The following NTRK2 variants were observed in gnomAD, a reference collection of about 807,000 sequenced individuals.
NTRK2 encodes the protein neurotrophic receptor tyrosine kinase 2.
Under a neutral mutation model 94.5 loss-of-function variants are expected in NTRK2, and 13 were observed. The observed-to-expected ratio is 0.14, with a 90% CI of 0.09 to 0.22. The LOEUF is 0.22. NTRK2 is among the 10% of genes least tolerant of loss of function. NTRK2 has a pLI of 1.00. For synonymous variants in NTRK2, 372 were observed against 407.4 expected (o/e 0.91, Z 1.05); for missense variants, 639 against 1,071.2 (o/e 0.60, Z 5.63).
At chr9:84,920,308 C>T (rs2077522102) in intron 14 of NTRK2, among the ~76,000 whole-genome samples, 1 of 152,218 alleles carries the variant, frequency 6.6e-6, no homozygotes, top group African/African-American at 2.4e-5. Context: ...TAGGTCCTCA[C>T]TTTCTTTGCA....
chr9:84,715,485 G>A (rs908571869), intron 6 of NTRK2, among the ~76,000 whole-genome samples: 9 of 152,112 alleles, frequency 5.9e-5, no homozygotes, highest in African/African-American at 2.2e-4. Flanking sequence ...GTGAATTACT[G>A]TAAATTTATT....
chr9:84,762,138 G>A (rs1306312752), intron 12 of NTRK2, among the ~76,000 whole-genome samples: 1 of 152,154 alleles, frequency 6.6e-6, no homozygotes, highest in East Asian at 1.9e-4. Context: ...CCTCAGCCCT[G>A]TGCAACTGTG....
chr9:84,955,197 A>G, intron 16 of NTRK2, 86 bp from the exon 17 acceptor site: 1 of 1,133,950 alleles, frequency 8.8e-7, no homozygotes, highest in South Asian at 1.3e-5. Context: ...GGAGCTTAGC[A>G]AGAGGGACGG....
chr9:84,978,312 T>C (rs1827158499), intron 17 of NTRK2, among the ~76,000 whole-genome samples: 1 of 152,194 alleles, frequency 6.6e-6, no homozygotes, highest in Non-Finnish European at 1.5e-5. Context: ...AGTGAACACA[T>C]GAATGACAAG....
chr9:84,882,717 T>TGCGCGCGC (rs1010534010), intron 14 of NTRK2, among the ~76,000 whole-genome samples: 1 of 143,946 alleles, frequency 6.9e-6, no homozygotes, highest in African/African-American at 2.7e-5. Context: ...TGTGTGTGTG[T>TGCGCGCGC]GTGCGCGCGC....
chr9:84,670,786 C>T lies in NTRK2; in HGVS notation c.38C>T (p.Ala13Val). The stretch of plus-strand genomic sequence containing the variant: ...ATAAGGTGGCATGGACCCGCCATGG[C>T]GCGGCTCTGGGGCTTCTGCTGGCTG... Reference protein sequence around the residue: ...SWIRWHGPAMARLWGFCWLVV... With the variant: ...SWIRWHGPAMVRLWGFCWLVV... The change falls in exon 2 of 19, where the codon GCG becomes GTG. Residue 13 changes from alanine (A) to valine (V), a missense_variant. By Grantham distance (64) the Ala-to-Val change is moderately conservative. This residue lies in a region of NTRK2 where 206 missense variants were observed against 251.5 expected (regional missense o/e 0.82). Coordinates refer to ENST00000277120, the MANE Select transcript of NTRK2 (RefSeq NM_006180.6). 1 of 1,613,896 alleles carries T rather than the reference C, an allele frequency of 6.2e-7. No homozygotes were observed. Among genetic ancestry groups the T allele is most frequent in the Admixed American group, 1.7e-5 (1 of 60,028 alleles).
intron 17 of NTRK2, among the ~76,000 whole-genome samples, chr9:84,998,721 A>G (rs796244583): frequency 7.9e-5 from 12 of 152,138 alleles, no homozygotes; most frequent in African/African-American, 2.9e-4. Context: ...TCACGGAGAA[A>G]CTCGCCCACC....
intron 14 of NTRK2, among the ~76,000 whole-genome samples, chr9:84,871,617 G>A (rs1350477071): frequency 6.6e-6 from 1 of 152,186 alleles, no homozygotes; most frequent in African/African-American, 2.4e-5. Flanking sequence ...AATCATTTAA[G>A]TGAAAGATGG....
chr9:84,790,299 C>T (rs2068598972), intron 12 of NTRK2, among the ~76,000 whole-genome samples: 1 of 152,178 alleles, frequency 6.6e-6, no homozygotes, highest in Non-Finnish European at 1.5e-5. Flanking sequence ...GATTATCTGT[C>T]TCTCCAAGGC....
rs1022267643 is a variant in NTRK2, at chr9:84,897,440, C to G, written c.1633+30009C>G. On this transcript the variant is annotated intron_variant, in intron 14 of 18. Transcript: ENST00000277120. ...GTGAGCCACTGCACCTGGCCTTGAG[C>G]CCCCGTTCTTAATCACCATGCCCTA... Among the ~76,000 whole-genome samples, 5 of 152,162 alleles carry G rather than the reference C, an allele frequency of 3.3e-5. 1 individual carries two copies. Among genetic ancestry groups the G allele is most frequent in the Admixed American group, 3.3e-4 (5 of 15,272 alleles).
chr9:84,715,223 C>T (rs944126389), intron 6 of NTRK2, among the ~76,000 whole-genome samples: 22 of 152,040 alleles, frequency 1.4e-4, no homozygotes, highest in East Asian at 3.8e-4. Flanking sequence ...ATGGTGTGAA[C>T]GTTTCAGTTA....
At chr9:84,712,995 A>C (rs2061505885) in intron 6 of NTRK2, among the ~76,000 whole-genome samples, 1 of 152,228 alleles carries the variant, frequency 6.6e-6, no homozygotes, top group Non-Finnish European at 1.5e-5. Context: ...ATACACAGAA[A>C]GAAGCAGAAT....
At chr9:84,741,441 C>T (rs2063643473) in intron 9 of NTRK2, among the ~76,000 whole-genome samples, 1 of 152,144 alleles carries the variant, frequency 6.6e-6, no homozygotes, top group Non-Finnish European at 1.5e-5. Context: ...TGGTTAATAA[C>T]AAGCTCCTGA....
At chr9:84,926,153 CCTTCCTTCCTTCCTTCCTTTCTTTCTTT>C (rs1564470919) in intron 14 of NTRK2, among the ~76,000 whole-genome samples, 1,259 of 90,406 alleles carry the variant, frequency 0.014, 2 homozygotes, top group Non-Finnish European at 0.019. Context: ...TTCCTTCCTT[CCTTCCTTCCTTCCTTCCTTTCTTTCTTT>C]CTTTCTTTCT....
chr9:84,775,906 T>A (rs974852045), intron 12 of NTRK2, among the ~76,000 whole-genome samples: 9 of 152,290 alleles, frequency 5.9e-5, no homozygotes, highest in Non-Finnish European at 1.0e-4. Flanking sequence ...TCTTTAAAAT[T>A]TGAGAAGCCC....
At chr9:84,784,176 G>A (rs922564551) in intron 12 of NTRK2, among the ~76,000 whole-genome samples, 3 of 152,176 alleles carry the variant, frequency 2.0e-5, no homozygotes, top group African/African-American at 4.8e-5. Flanking sequence ...GTTACTAGTT[G>A]TATGACCTCC....
rs1354093028 is a variant in NTRK2, at chr9:84,982,255, T to C, written c.2172+26738T>C. ...ACACCCACAAGGGTACATGTCAGGC[T>C]ATCTGGGCAGCTATTAATGACTGAG... On this transcript the variant is annotated intron_variant, in intron 17 of 18. Transcript: ENST00000277120. Among the ~76,000 whole-genome samples the C allele has an allele frequency of 2.6e-5, 4 of 152,228 alleles. No individual in the cohort carries two copies. The East Asian group carries it at 7.7e-4, about 29-fold the overall frequency.
intron 17 of NTRK2, among the ~76,000 whole-genome samples, chr9:85,001,893 G>A (rs533884843): frequency 6.6e-4 from 101 of 152,316 alleles, no homozygotes; most frequent in African/African-American, 2.4e-3. Context: ...TCTGAATAGG[G>A]CAGGGAGGGG....
intron 2 of NTRK2, among the ~76,000 whole-genome samples, chr9:84,676,384 C>G (rs1469360573): frequency 1.3e-5 from 2 of 152,206 alleles, no homozygotes; most frequent in Non-Finnish European, 2.9e-5. Context: ...TTTTCAGTGT[C>G]TGCTCTGAAC....
Sources: gnomAD v4.1 joint callset for allele counts (sites outside exome capture counted in the v4.1 genomes callset) on GRCh38, gnomAD v4.1.1 for gene constraint, gnomAD v4.1.1 regional missense constraint, MANE v1.5 for transcripts, NCBI Gene and HGNC (gene_info 2026-07-23, HGNC 2026-07-21) for gene names.